The following PTPRO variants were observed in gnomAD, a reference collection of about 807,000 sequenced individuals.
PTPRO encodes receptor-type tyrosine-protein phosphatase O.
Under a neutral mutation model 145.2 loss-of-function variants are expected in PTPRO, and 62 were observed. The ratio of observed to expected loss-of-function variants is 0.43; its 90% CI spans 0.35 to 0.53. PTPRO has a LOEUF of 0.53. Ranked by LOEUF, PTPRO falls within the 20% of genes least tolerant of loss-of-function variation. The probability of loss-of-function intolerance (pLI) is 0.01; values close to 1 mark genes in which losing one functional copy is unlikely to be tolerated. For missense variants in PTPRO, 1,345 were observed against 1,482.7 expected (o/e 0.91, Z 1.53); for synonymous variants, 565 against 514.7 (o/e 1.10, Z -1.32).
intron 12 of PTPRO, among the ~76,000 whole-genome samples, chr12:15,527,421 G>A (rs1289751430): frequency 6.6e-6 from 1 of 152,168 alleles, no homozygotes; most frequent in African/African-American, 2.4e-5. Flanking sequence ...AGGAAGCATC[G>A]TGACTGCCTG....
chr12:15,556,382 T>G lies in PTPRO; in HGVS notation c.2559-1073T>G, dbSNP rs529900589. On this transcript the variant is annotated intron_variant, in intron 15 of 26. Coordinates refer to ENST00000281171, the MANE Select transcript of PTPRO (RefSeq NM_030667.3). ...AAATCTCTGCTTCAGTTCTGAGTATTAAATCCATTAATTCCGTATAAAGAA... is the reference window on the plus strand; with the variant it reads ...AAATCTCTGCTTCAGTTCTGAGTATGAAATCCATTAATTCCGTATAAAGAA... Among the ~76,000 whole-genome samples the G allele has an allele frequency of 1.7e-4, 26 of 152,236 alleles. 1 individual carries two copies. The highest frequency in any genetic ancestry group is 6.0e-4 in the African/African-American group (25 of 41,528).
At chr12:15,543,011 GTAA>G (rs1943210272) in intron 12 of PTPRO, among the ~76,000 whole-genome samples, 1 of 152,194 alleles carries the variant, frequency 6.6e-6, no homozygotes, top group Non-Finnish European at 1.5e-5. Context: ...TCTTGTAATA[GTAA>G]TAAGTTCATA....
rs367792010 is a variant in PTPRO, at chr12:15,373,968, A to G, written c.75+51167A>G. Among the ~76,000 whole-genome samples the G allele has an allele frequency of 2.6e-5, 4 of 152,302 alleles. No individual in the cohort carries two copies. In the East Asian group the frequency reaches 5.8e-4, roughly 22 times the overall value. On this transcript the variant is annotated intron_variant, in intron 1 of 26. Transcript: ENST00000281171. ...TCTCTATCTTGGAGGTAAGTTCATC[A>G]TATTTTTTCAAGACTCGGTCACCTC...
At chr12:15,520,145 A>T in intron 9 of PTPRO, 56 bp from the exon 10 acceptor site, 1 of 1,218,558 alleles carries the variant, frequency 8.2e-7, no homozygotes, top group South Asian at 1.2e-5. Context: ...AGTCTACTCC[A>T]AAAATAGTAC....
chr12:15,571,589 C>A (rs942193855), intron 19 of PTPRO, among the ~76,000 whole-genome samples: 1 of 152,206 alleles, frequency 6.6e-6, no homozygotes, highest in Non-Finnish European at 1.5e-5. Flanking sequence ...CCCAGCCCAA[C>A]CTCTTTTTCA....
intron 1 of PTPRO, among the ~76,000 whole-genome samples, chr12:15,389,387 G>A (rs968031963): frequency 3.3e-5 from 5 of 151,996 alleles, no homozygotes; most frequent in Admixed American, 6.5e-5. Flanking sequence ...GATTACAGGC[G>A]AGAGACACCA....
At chr12:15,434,581 T>A (rs966771930) in intron 1 of PTPRO, among the ~76,000 whole-genome samples, 1 of 152,176 alleles carries the variant, frequency 6.6e-6, no homozygotes, top group African/African-American at 2.4e-5. Context: ...TGCATGGGAA[T>A]TTTTTTCCAA....
chr12:15,581,673 C>T lies in PTPRO; in HGVS notation c.3133-6C>T, dbSNP rs776971841. The T allele has an allele frequency of 9.9e-6, 16 of 1,613,694 alleles. No individual in the cohort carries two copies. Among genetic ancestry groups the T allele is most frequent in the Non-Finnish European group, 1.3e-5 (15 of 1,179,792 alleles). On this transcript the variant is annotated splice_region_variant and splice_polypyrimidine_tract_variant and intron_variant, in intron 22 of 26. Coordinates refer to ENST00000281171, the MANE Select transcript of PTPRO (RefSeq NM_030667.3). ...GTTTTAAAAAATTGTTTTGTCCTTG[C>T]TCCAGGTGAAATGTGACCATTACTG...
In PTPRO at chr12:15,497,341, T is replaced by C; in HGVS notation, c.446T>C (p.Val149Ala). 6.2e-7 allele frequency: 1 copy of C among 1,612,042 alleles called. No individual in the cohort carries two copies. The highest frequency in any genetic ancestry group is 8.5e-7 in the Non-Finnish European group (1 of 1,178,326). ...FEIHYPEKYN[V>A]FTRVNISYWE... ...ATACATTATCCAGAAAAATATAACG[T>C]TTTCACAAGAGTGAACATTAGCTAC... Residue 149 changes from valine to alanine, a missense_variant, in exon 3 of 27, where the codon GTT becomes GCT. Coordinates refer to ENST00000281171, the MANE Select transcript of PTPRO (RefSeq NM_030667.3).
chr12:15,497,188 A>C (rs1942124306), intron 2 of PTPRO, 57 bp from the exon 3 acceptor site: 2 of 1,444,926 alleles, frequency 1.4e-6, no homozygotes, highest in Non-Finnish European at 1.9e-6. Flanking sequence ...AAGTATTGAT[A>C]TCGGCCTTTC....
chr12:15,455,662 T>C (rs1464476312), intron 1 of PTPRO, among the ~76,000 whole-genome samples: 1 of 152,166 alleles, frequency 6.6e-6, no homozygotes, highest in Non-Finnish European at 1.5e-5. Flanking sequence ...AAATGATTCA[T>C]TATTAATATT....
intron 9 of PTPRO, among the ~76,000 whole-genome samples, chr12:15,519,616 G>A (rs1235102937): frequency 6.6e-6 from 1 of 152,168 alleles, no homozygotes; most frequent in Non-Finnish European, 1.5e-5. Context: ...AGTTGACACT[G>A]CCTAATTTTA....
At chr12:15,564,040 A>T (rs1384706274) in intron 17 of PTPRO, among the ~76,000 whole-genome samples, 1 of 152,228 alleles carries the variant, frequency 6.6e-6, no homozygotes, top group African/African-American at 2.4e-5. Flanking sequence ...TGCCTATAAG[A>T]TACAGCTATG....
At chr12:15,439,399 G>A (rs61908019) in intron 1 of PTPRO, 5,451 of 166,354 alleles carry the variant, frequency 0.033, 275 homozygotes, top group African/African-American at 0.11. Context: ...CAACCTCATG[G>A]TAGGATCAAA....
intron 1 of PTPRO, chr12:15,439,959 A>C (rs571077680): frequency 3.2e-5 from 22 of 686,146 alleles, no homozygotes; most frequent in Admixed American, 1.0e-4. Context: ...TGCTCCAAGG[A>C]GGTGGCCACT....
At chr12:15,575,641 G>C (rs901018387) in intron 19 of PTPRO, among the ~76,000 whole-genome samples, 4 of 152,202 alleles carry the variant, frequency 2.6e-5, no homozygotes, top group Non-Finnish European at 4.4e-5. Flanking sequence ...CCTGCTACTG[G>C]GTTTGGGTGA....
intron 16 of PTPRO, 144 bp downstream of exon 16, chr12:15,557,667 T>C (rs1167699859): frequency 5.4e-6 from 4 of 739,288 alleles, no homozygotes; most frequent in Non-Finnish European, 9.6e-6. Flanking sequence ...TGGCTAGATC[T>C]TCACAGAATA....
chr12:15,432,540 A>T (rs1460806215), intron 1 of PTPRO, among the ~76,000 whole-genome samples: 1 of 152,214 alleles, frequency 6.6e-6, no homozygotes, highest in Non-Finnish European at 1.5e-5. Context: ...TGTGGAGTCA[A>T]GTGGTAGTTC....
intron 1 of PTPRO, among the ~76,000 whole-genome samples, chr12:15,458,316 A>G (rs574803852): frequency 6.6e-6 from 1 of 152,102 alleles, no homozygotes; most frequent in Non-Finnish European, 1.5e-5. Flanking sequence ...CAATTTGATT[A>G]TAATGCATCT....
Sources: allele counts gnomAD v4.1 joint callset (sites outside exome capture counted in the v4.1 genomes callset), GRCh38; gene constraint gnomAD v4.1.1; transcripts MANE v1.5; gene names NCBI Gene and HGNC (gene_info 2026-07-23, HGNC 2026-07-21).